APP: variants seen among roughly 807,000 people sequenced by gnomAD.
The protein encoded by APP is amyloid-beta precursor protein.
APP carries 31 observed loss-of-function variants against 101.4 expected under a neutral mutation model. The observed-to-expected ratio is 0.31, with a 90% CI of 0.23 to 0.41. The LOEUF is 0.41. Among genes scored for constraint, APP ranks in the 10% least tolerant of loss-of-function variants. APP has a pLI of 1.00. For synonymous variants in APP, 366 were observed against 364.4 expected (o/e 1.00, Z -0.05); for missense variants, 839 against 1,003.7 (o/e 0.84, Z 2.22).
intron 12 of APP, 61 bp downstream of exon 12, chr21:25,955,566 C>T: frequency 6.2e-7 from 1 of 1,612,722 alleles, no homozygotes; most frequent in Non-Finnish European, 8.5e-7. Context: ...CTGTCACCAA[C>T]CCAAGAAGCA....
At chr21:26,022,928 CTT>C (rs1806513867) in intron 5 of APP, among the ~76,000 whole-genome samples, 1 of 148,610 alleles carries the variant, frequency 6.7e-6, no homozygotes, top group African/African-American at 2.5e-5. Context: ...ATGAAACTGA[CTT>C]AAGTAAACCT....
intron 3 of APP, among the ~76,000 whole-genome samples, chr21:26,058,098 T>C (rs546390520): frequency 6.6e-6 from 1 of 152,354 alleles, no homozygotes; most frequent in East Asian, 1.9e-4. Context: ...GGGACCAGCG[T>C]ATTCCTATCT....
intron 5 of APP, among the ~76,000 whole-genome samples, chr21:26,027,697 C>T (rs1201049225): frequency 6.6e-6 from 1 of 152,140 alleles, no homozygotes; most frequent in South Asian, 2.1e-4. Context: ...GTGTTCTGGT[C>T]CGGATGCTGG....
Position 26,065,741 on chromosome 21 carries a change from A to G in APP, c.356-12393T>C, listed in dbSNP as rs1376854957. 2.6e-5 allele frequency among the ~76,000 whole-genome samples: 4 copies of G among 152,196 alleles called. No homozygotes were observed. The East Asian group carries it at 7.7e-4, about 29-fold the overall frequency. ...CAGCTTCCTCATTAACCAACCCAAG[A>G]TAAGTTATAGGTGCTTTTTTGTTGC... On this transcript the variant is annotated intron_variant, in intron 3 of 17. Transcript: ENST00000346798.
Position 25,975,126 on chromosome 21 carries a change from G to A in APP, c.1402C>T (p.Arg468Cys), listed in dbSNP as rs1162419578. ...MARVEAMLNDRRRLALENYIT... is the reference protein window; with the variant it reads ...MARVEAMLNDCRRLALENYIT... The stretch of plus-strand genomic sequence containing the variant: ...TAGTTCTCCAGGGCCAGGCGGCGGC[G>A]GTCATTGAGCATGGCTTCCACTCTG... Residue 468 changes from arginine (R) to cysteine (C), a missense_variant, in exon 11 of 18, where the codon CGC (arginine) becomes TGC (cysteine). By Grantham distance (180) the Arg-to-Cys change is radical. Transcript: ENST00000346798. 8.1e-6 allele frequency: 13 copies of A among 1,613,942 alleles called. No homozygotes were observed. The highest frequency in any genetic ancestry group is 4.0e-5 in the African/African-American group (3 of 74,870).
chr21:25,952,768 C>A (rs1016823396), intron 13 of APP, among the ~76,000 whole-genome samples: 5 of 139,410 alleles, frequency 3.6e-5, no homozygotes, highest in African/African-American at 1.6e-4. Context: ...ACAAACAAAC[C>A]ATGTTTTCTA....
At chr21:26,084,394 C>T (rs142157385) in intron 3 of APP, among the ~76,000 whole-genome samples, 1 of 151,226 alleles carries the variant, frequency 6.6e-6, no homozygotes, top group Non-Finnish European at 1.5e-5. Context: ...GCCCGCACCA[C>T]GCCTGGCTAA....
chr21:25,997,253 G>T (rs1352560761), intron 8 of APP, 107 bp downstream of exon 8: 4 of 1,115,190 alleles, frequency 3.6e-6, no homozygotes, highest in African/African-American at 1.5e-5. Flanking sequence ...TAAGACAGGT[G>T]TTCAAGAAAC....
At chr21:26,009,638 AGAGTACAATG>A (rs1339431453) in intron 6 of APP, 1 of 144,522 alleles carries the variant, frequency 6.9e-6, no homozygotes, top group East Asian at 2.0e-4. Flanking sequence ...CACCCAGGCT[AGAGTACAATG>A]GAGTGAACTC....
chr21:26,026,826 T>A (rs1221899873), intron 5 of APP, among the ~76,000 whole-genome samples: 1 of 152,176 alleles, frequency 6.6e-6, no homozygotes, highest in African/African-American at 2.4e-5. Flanking sequence ...GCTGAGAGAA[T>A]GCTAATGTAA....
At chr21:25,930,278 G>A (rs529465421) in intron 13 of APP, among the ~76,000 whole-genome samples, 5 of 152,156 alleles carry the variant, frequency 3.3e-5, no homozygotes, top group Admixed American at 1.3e-4. Context: ...CTATCTGACC[G>A]GGATAAGAAG....
chr21:26,118,912 AT>A (rs1297999724), intron 1 of APP, among the ~76,000 whole-genome samples: 1 of 152,106 alleles, frequency 6.6e-6, no homozygotes, highest in African/African-American at 2.4e-5. Context: ...AAATATATAT[AT>A]AGTATTTGAG....
At chr21:26,107,790 T>A (rs1261260922) in intron 2 of APP, among the ~76,000 whole-genome samples, 2 of 152,170 alleles carry the variant, frequency 1.3e-5, no homozygotes, top group Non-Finnish European at 2.9e-5. Flanking sequence ...AGTTTTTAGA[T>A]TGCTAAAATT....
chr21:25,898,678 C>A (rs1261934217), intron 15 of APP, among the ~76,000 whole-genome samples: 22 of 152,210 alleles, frequency 1.4e-4, no homozygotes, highest in Admixed American at 1.4e-3. Context: ...TTCCCTGTAA[C>A]TTCCATCCTT....
intron 9 of APP, among the ~76,000 whole-genome samples, chr21:25,977,039 T>A (rs906751775): frequency 2.6e-5 from 4 of 152,184 alleles, no homozygotes; most frequent in African/African-American, 9.7e-5. Flanking sequence ...AACTTCTTTT[T>A]CTTTACAGAT....
chr21:26,102,082 G>GTTTTTTTT (rs35680514), intron 2 of APP, among the ~76,000 whole-genome samples: 3 of 101,144 alleles, frequency 3.0e-5, no homozygotes, highest in African/African-American at 3.9e-5. Context: ...AAACTATGTG[G>GTTTTTTTT]TTTTTTTTTT....
intron 5 of APP, among the ~76,000 whole-genome samples, chr21:26,048,178 C>T (rs2045688693): frequency 6.6e-6 from 1 of 151,772 alleles, no homozygotes; most frequent in African/African-American, 2.4e-5. Context: ...AAAAAATTAG[C>T]TGGGCATGCT....
intron 6 of APP, among the ~76,000 whole-genome samples, chr21:26,008,411 A>G (rs2043633406): frequency 6.6e-6 from 1 of 152,226 alleles, no homozygotes; most frequent in African/African-American, 2.4e-5. Flanking sequence ...ATTAACAAGA[A>G]GCTCAAAACT....
At chr21:26,059,032 G>T (rs2046159278) in intron 3 of APP, among the ~76,000 whole-genome samples, 1 of 151,368 alleles carries the variant, frequency 6.6e-6, no homozygotes, top group Non-Finnish European at 1.5e-5. Flanking sequence ...AGTGAGCCGA[G>T]ATCGCGCCAC....
Sources: gnomAD v4.1 joint callset for allele counts (sites outside exome capture counted in the v4.1 genomes callset) on GRCh38, gnomAD v4.1.1 for gene constraint, MANE v1.5 for transcripts, NCBI Gene and HGNC (gene_info 2026-07-23, HGNC 2026-07-21) for gene names.